DMBX1: variants seen among roughly 807,000 people sequenced by gnomAD.
The protein encoded by DMBX1 is diencephalon/mesencephalon homeobox protein 1.
A neutral mutation model predicts 30.4 loss-of-function variants in DMBX1; 7 were observed. That is an observed-to-expected ratio of 0.23 (90% CI 0.13 to 0.43). The LOEUF (loss-of-function observed/expected upper bound fraction) is 0.43, where lower values mean the gene tolerates loss of function less well. Ranked by LOEUF, DMBX1 falls within the 20% of genes least tolerant of loss-of-function variation. The pLI, the probability that DMBX1 is intolerant of heterozygous loss-of-function variation, is 1.00. For synonymous variants in DMBX1, 222 were observed against 214.2 expected (o/e 1.04, Z -0.32); for missense variants, 460 against 508.5 (o/e 0.90, Z 0.92).
chr1:46,507,058 A>T lies in DMBX1; in HGVS notation c.48A>T (p.Ser16=). The T allele has an allele frequency of 6.2e-7, 1 of 1,614,194 alleles. No individual in the cohort carries two copies. The highest frequency in any genetic ancestry group is 8.5e-7 in the Non-Finnish European group (1 of 1,180,012). ...GCTACTCACTGCACGCCATGAACTC[A>T]CTCAGCGCCATGTACAACCTGCACC... ...VNGYSLHAMN[S]LSAMYNLHQQ... Residue 16 remains serine, a synonymous_variant, in exon 3 of 6, where the codon TCA becomes TCT. Transcript: ENST00000360032.
chr1:46,502,019 A>T (rs1297667969), intron 2 of DMBX1, among the ~76,000 whole-genome samples: 2 of 152,126 alleles, frequency 1.3e-5, no homozygotes, highest in African/African-American at 4.8e-5. Flanking sequence ...TCATCTCACC[A>T]TGTCTATCAC....
At chr1:46,490,472 C>T (rs2148478832) in intron 1 of DMBX1, among the ~76,000 whole-genome samples, 172 bp from the exon 2 acceptor site, 1 of 152,210 alleles carries the variant, frequency 6.6e-6, no homozygotes, top group East Asian at 1.9e-4. Flanking sequence ...CCAGATGCGG[C>T]CTGGGGAGTT....
At chr1:46,497,571 G>A (rs949731406) in intron 2 of DMBX1, among the ~76,000 whole-genome samples, 1 of 152,222 alleles carries the variant, frequency 6.6e-6, no homozygotes, top group Non-Finnish European at 1.5e-5. Flanking sequence ...GGCCTGTGGG[G>A]TGGCTGAGCA....
intron 2 of DMBX1, among the ~76,000 whole-genome samples, chr1:46,499,033 T>C (rs1269121784): frequency 3.3e-5 from 5 of 151,436 alleles, no homozygotes; most frequent in Admixed American, 6.6e-5. Flanking sequence ...GAATGTGTTT[T>C]TTCTTTTCTT....
In DMBX1 at chr1:46,514,227, A is replaced by T. The variant is rs74950877; in HGVS notation, c.*1733A>T. 0.27 allele frequency: 28,262 copies of T among 105,048 alleles called. 2,774 individuals carry two copies. Among genetic ancestry groups the T allele is most frequent in the Non-Finnish European group, 0.33 (13,700 of 41,326 alleles). The allele number at this position is 105,048 out of a possible 1,614,324, so 6.5% of individuals were successfully genotyped here. ...GACTCCATCTCAAAAAAAAAAAAAA[A>T]ATAAATAAAAGCTGTGTGACCTTGG... On this transcript the variant is annotated 3_prime_UTR_variant, in exon 6 of 6. Transcript: ENST00000360032.
At chr1:46,511,380 T>C (rs1048995350) in intron 5 of DMBX1, 97 bp downstream of exon 5, 1 of 1,277,852 alleles carries the variant, frequency 7.8e-7, no homozygotes, top group African/African-American at 1.5e-5. Flanking sequence ...CTCAGGGGCA[T>C]GGCGCATCAG....
intron 2 of DMBX1, among the ~76,000 whole-genome samples, chr1:46,503,648 C>G (rs995110655): frequency 6.6e-6 from 1 of 152,136 alleles, no homozygotes. Context: ...TATTTTTGCA[C>G]GAAACGTTCA....
Position 46,491,155 on chromosome 1 carries a change from C to A in DMBX1, c.-13+372C>A, listed in dbSNP as rs1010871937. On this transcript the variant is annotated intron_variant, in intron 2 of 5. Coordinates refer to ENST00000360032, the MANE Select transcript of DMBX1 (RefSeq NM_172225.2). The surrounding 1 kb of genome is among the most constrained non-coding windows in gnomAD (Gnocchi z 5.5). ...TTAAGGAGCTTGAGGGAAACCTCCT[C>A]TTCCCCAAATTCGCACCAAATCTGG... 6.6e-6 allele frequency among the ~76,000 whole-genome samples: 1 copy of A among 152,218 alleles called. No individual in the cohort carries two copies. The highest frequency in any genetic ancestry group is 2.4e-5 in the African/African-American group (1 of 41,460).
At position 46,510,614 on chromosome 1, in the gene DMBX1, G is replaced by C. The variant is rs1420240767; in HGVS notation, c.293G>C (p.Arg98Thr). Reference protein sequence around the residue: ...THYPDVVMRERLAMCTNLPEA... With the variant: ...THYPDVVMRETLAMCTNLPEA... ...TACCCAGATGTGGTGATGCGTGAGA[G>C]GCTGGCCATGTGCACCAACCTGCCT... The change falls in exon 4 of 6, where the codon AGG becomes ACG. Residue 98 changes from arginine to threonine, a missense_variant. Arg to Thr is a moderately conservative substitution (Grantham distance 71, BLOSUM62 -1). Transcript: ENST00000360032. This position sits in a 1 kb window ranked among gnomAD's most constrained non-coding sequence, Gnocchi z 4.1. The C allele has an allele frequency of 3.7e-6, 6 of 1,614,004 alleles. No homozygotes were observed. Among genetic ancestry groups the C allele is most frequent in the Non-Finnish European group, 5.1e-6 (6 of 1,180,024 alleles).
At chr1:46,505,852 G>A (rs1472804015) in intron 2 of DMBX1, among the ~76,000 whole-genome samples, 4 of 151,272 alleles carry the variant, frequency 2.6e-5, no homozygotes, top group Non-Finnish European at 4.4e-5. Context: ...GACTGGCTGT[G>A]TGGCCTCAAC....
At chr1:46,507,871 T>A (rs546591368) in intron 3 of DMBX1, among the ~76,000 whole-genome samples, 33 of 152,144 alleles carry the variant, frequency 2.2e-4, no homozygotes, top group Middle Eastern at 3.2e-3. Flanking sequence ...CTAGGGTGGT[T>A]GGGAGGTGAT....
At position 46,510,931 on chromosome 1, in the gene DMBX1, C is replaced by T. The variant is rs1666353980; in HGVS notation, c.334-4C>T. ...ACCTCGGACTGCTCCTTTCCCGTCC[C>T]CAGGTGTGGTTCAAGAACCGCCGGG... On this transcript the variant is annotated splice_polypyrimidine_tract_variant and splice_region_variant and intron_variant, in intron 4 of 5. Coordinates refer to ENST00000360032, the MANE Select transcript of DMBX1 (RefSeq NM_172225.2). The surrounding 1 kb of genome is among the most constrained non-coding windows in gnomAD (Gnocchi z 4.1). 5 of 1,596,234 alleles carry T rather than the reference C, an allele frequency of 3.1e-6. No individual in the cohort carries two copies. The highest frequency in any genetic ancestry group is 3.4e-6 in the Non-Finnish European group (4 of 1,170,382).
In DMBX1 at chr1:46,510,858, C is replaced by G. The variant is rs12045200; in HGVS notation, c.334-77C>G. 263,378 of 1,438,288 alleles carry G rather than the reference C, an allele frequency of 0.18. 28,110 individuals carry two copies. Among genetic ancestry groups the G allele is most frequent in the African/African-American group, 0.45 (31,175 of 70,032 alleles). 89.1% of individuals were successfully genotyped at this position (1,438,288 alleles called of 1,614,324 possible). On this transcript the variant is annotated intron_variant, in intron 4 of 5. Transcript: ENST00000360032. The surrounding 1 kb of genome is among the most constrained non-coding windows in gnomAD (Gnocchi z 4.1). ...GTGGGGGGATGTTATCACGTACATCCTCTCCCAGAGCACCCTGCTCCACAC... is the reference window on the plus strand; with the variant it reads ...GTGGGGGGATGTTATCACGTACATCGTCTCCCAGAGCACCCTGCTCCACAC...
chr1:46,510,662 C>T lies in DMBX1; in HGVS notation c.333+8C>T, dbSNP rs1666347940. The stretch of plus-strand genomic sequence containing the variant: ...CCTGAGGCCCGGGTGCAGGTAGGGC[C>T]CAACTCTCCTAACTAGGCCTTGCAG... On this transcript the variant is annotated splice_region_variant and intron_variant, in intron 4 of 5. Transcript: ENST00000360032. This position sits in a 1 kb window ranked among gnomAD's most constrained non-coding sequence, Gnocchi z 4.1. 1.2e-6 allele frequency: 2 copies of T among 1,612,598 alleles called. No homozygotes were observed. Among genetic ancestry groups the T allele is most frequent in the Non-Finnish European group, 1.7e-6 (2 of 1,179,418 alleles).
At position 46,496,952 on chromosome 1, in the gene DMBX1, C is replaced by T. The variant is rs117434219; in HGVS notation, c.-13+6169C>T. ...GAGGGACGGTTGCAGTGGCCTCTCC[C>T]CTCAGAGTGTCACTGGAGAACCTCC... is the stretch of plus-strand genomic sequence containing the variant. On this transcript the variant is annotated intron_variant, in intron 2 of 5. Coordinates refer to ENST00000360032, the MANE Select transcript of DMBX1 (RefSeq NM_172225.2). 6.1e-3 allele frequency among the ~76,000 whole-genome samples: 933 copies of T among 152,296 alleles called. 14 individuals carry two copies. Among genetic ancestry groups the T allele is most frequent in the East Asian group, 0.045 (234 of 5,184 alleles).
Position 46,510,387 on chromosome 1 carries a change from A to T in DMBX1, c.155-89A>T. 6.8e-7 allele frequency: 1 copy of T among 1,473,030 alleles called. No individual in the cohort carries two copies. The highest frequency in any genetic ancestry group is 1.3e-5 in the South Asian group (1 of 75,096). The allele number at this position is 1,473,030 out of a possible 1,614,324, so 91.2% of individuals were successfully genotyped here. A position where few individuals can be genotyped will look rare whatever the true frequency, so the allele number is the denominator to read the frequency against. On this transcript the variant is annotated intron_variant, in intron 3 of 5. Coordinates refer to ENST00000360032, the MANE Select transcript of DMBX1 (RefSeq NM_172225.2). The surrounding 1 kb of genome is among the most constrained non-coding windows in gnomAD (Gnocchi z 4.1). ...CTCTGGCAGCAGCCTGGGTGTCCAC[A>T]GTGGGTCAGAGCAGGATAAGATTCA...
chr1:46,512,840 C>T lies in DMBX1; in HGVS notation c.*346C>T, dbSNP rs551327909. On this transcript the variant is annotated 3_prime_UTR_variant, in exon 6 of 6. Coordinates refer to ENST00000360032, the MANE Select transcript of DMBX1 (RefSeq NM_172225.2). This position sits in a 1 kb window ranked among gnomAD's most constrained non-coding sequence, Gnocchi z 4.8. Reference sequence around the variant, plus strand: ...ATCCTTCTGCCCCCTAGTAAGTCTACGTGTGGAATGTGAGATATAAATATA... The same window carrying T: ...ATCCTTCTGCCCCCTAGTAAGTCTATGTGTGGAATGTGAGATATAAATATA... 6 of 282,260 alleles carry T rather than the reference C, an allele frequency of 2.1e-5. No homozygotes were observed. The highest frequency in any genetic ancestry group is 4.6e-5 in the Admixed American group (1 of 21,508). 17.5% of individuals were successfully genotyped at this position (282,260 alleles called of 1,614,324 possible).
chr1:46,508,700 A>G (rs1333835017), intron 3 of DMBX1, among the ~76,000 whole-genome samples: 1 of 152,126 alleles, frequency 6.6e-6, no homozygotes, highest in African/African-American at 2.4e-5. Flanking sequence ...TCTAATTCTT[A>G]GGAAGGAAGG....
Position 46,515,914 on chromosome 1 carries a change from C to T in DMBX1, c.*3420C>T, listed in dbSNP as rs1324713601. On this transcript the variant is annotated 3_prime_UTR_variant, in exon 6 of 6. Transcript: ENST00000360032. The stretch of plus-strand genomic sequence containing the variant: ...TCCCTCAGAGCATGGTCCAGGGGCC[C>T]GGATCCCAACCCCAACTCCAAGGCT... 7.2e-5 allele frequency among the ~76,000 whole-genome samples: 11 copies of T among 152,316 alleles called. No individual in the cohort carries two copies. The South Asian group carries it at 8.3e-4, about 11-fold the overall frequency.
Sources: gnomAD v4.1 joint callset for allele counts (sites outside exome capture counted in the v4.1 genomes callset) on GRCh38, gnomAD v4.1.1 for gene constraint, Gnocchi (gnomAD v3.1) non-coding constraint, MANE v1.5 for transcripts, NCBI Gene and HGNC (gene_info 2026-07-23, HGNC 2026-07-21) for gene names.